Variants in NEGR1 observed in about 807,000 individuals in gnomAD.
The protein encoded by NEGR1 is IgLON family member 4.
Under a neutral mutation model 40.9 loss-of-function variants are expected in NEGR1, and 10 were observed. That is an observed-to-expected ratio of 0.24 (90% confidence interval 0.15 to 0.42). The LOEUF (loss-of-function observed/expected upper bound fraction) is 0.42, where lower values mean the gene tolerates loss of function less well. NEGR1 is among the 10% of genes least tolerant of loss of function. The pLI is 1.00. For synonymous variants in NEGR1, 185 were observed against 166.8 expected (o/e 1.11, Z -0.84); for missense variants, 352 against 438.9 (o/e 0.80, Z 1.77).
intron 1 of NEGR1, among the ~76,000 whole-genome samples, chr1:72,150,208 G>A (rs1353502596): frequency 1.3e-5 from 2 of 152,016 alleles, no homozygotes; most frequent in African/African-American, 4.8e-5. Context: ...CACCAATCCT[G>A]CCACCTGTCA....
At chr1:72,116,838 C>G (rs910399686) in intron 1 of NEGR1, among the ~76,000 whole-genome samples, 1 of 151,662 alleles carries the variant, frequency 6.6e-6, no homozygotes, top group Non-Finnish European at 1.5e-5. Flanking sequence ...AAAATGCCCT[C>G]CAATATTCAC....
intron 1 of NEGR1, among the ~76,000 whole-genome samples, chr1:72,205,972 C>T (rs573805483): frequency 2.3e-4 from 34 of 148,822 alleles, no homozygotes; most frequent in African/African-American, 8.2e-4. Context: ...CAGATAATTA[C>T]TTAGAGAATA....
At chr1:71,748,122 A>G (rs1210898927) in intron 3 of NEGR1, among the ~76,000 whole-genome samples, 2 of 152,186 alleles carry the variant, frequency 1.3e-5, no homozygotes, top group Non-Finnish European at 2.9e-5. Context: ...AAAGACATTA[A>G]ATACTCTGCT....
intron 1 of NEGR1, among the ~76,000 whole-genome samples, chr1:72,022,971 C>A (rs1291848139): frequency 2.6e-5 from 4 of 152,164 alleles, no homozygotes; most frequent in Non-Finnish European, 4.4e-5. Flanking sequence ...ACATGTCCTT[C>A]TCCATTCATT....
chr1:71,555,586 G>C (rs1237512618), intron 6 of NEGR1, among the ~76,000 whole-genome samples: 1 of 151,596 alleles, frequency 6.6e-6, no homozygotes, highest in Non-Finnish European at 1.5e-5. Context: ...TGCTGAGTAT[G>C]CTCAGAGCAT....
intron 1 of NEGR1, among the ~76,000 whole-genome samples, chr1:72,281,926 GA>G (rs1272199679): frequency 1.3e-5 from 2 of 152,168 alleles, no homozygotes; most frequent in Non-Finnish European, 2.9e-5. Context: ...ACAGCAGTTT[GA>G]AAGAGTCGCT....
intron 4 of NEGR1, among the ~76,000 whole-genome samples, chr1:71,617,904 G>A (rs929404164): frequency 6.6e-6 from 1 of 152,142 alleles, no homozygotes; most frequent in Non-Finnish European, 1.5e-5. Flanking sequence ...TAGAAACACA[G>A]TCACCAATGG....
chr1:71,560,061 T>C (rs1033805268), intron 6 of NEGR1, among the ~76,000 whole-genome samples: 3 of 151,288 alleles, frequency 2.0e-5, no homozygotes, highest in Non-Finnish European at 3.0e-5. Context: ...ACAGATATTT[T>C]ACTAGTCACT....
chr1:71,930,359 A>C (rs966193497), intron 2 of NEGR1, among the ~76,000 whole-genome samples: 1 of 152,162 alleles, frequency 6.6e-6, no homozygotes. Flanking sequence ...TGAACTATGA[A>C]ATGAATAACT....
chr1:72,180,384 A>G (rs1033414749), intron 1 of NEGR1, among the ~76,000 whole-genome samples: 1 of 151,808 alleles, frequency 6.6e-6, no homozygotes, highest in Non-Finnish European at 1.5e-5. Flanking sequence ...CATGGGAAAA[A>G]CTTCTGGGCA....
At chr1:72,094,130 G>A (rs1264111015) in intron 1 of NEGR1, among the ~76,000 whole-genome samples, 6 of 152,116 alleles carry the variant, frequency 3.9e-5, no homozygotes, top group East Asian at 1.9e-4. Context: ...TGTGTTGGGC[G>A]CTCTGATGCT....
At chr1:72,236,372 T>C (rs184241308) in intron 1 of NEGR1, among the ~76,000 whole-genome samples, 4 of 151,998 alleles carry the variant, frequency 2.6e-5, no homozygotes, top group Non-Finnish European at 5.9e-5. Flanking sequence ...ATGGCACTTG[T>C]ACACCTGTGT....
At chr1:71,678,567 TTAAA>T (rs1463980057) in intron 4 of NEGR1, among the ~76,000 whole-genome samples, 1 of 152,096 alleles carries the variant, frequency 6.6e-6, no homozygotes, top group Non-Finnish European at 1.5e-5. Flanking sequence ...CAAGTCTAGT[TTAAA>T]TGGCTACACC....
intron 6 of NEGR1, among the ~76,000 whole-genome samples, chr1:71,460,108 T>C (rs1191474127): frequency 6.6e-6 from 1 of 152,210 alleles, no homozygotes; most frequent in African/African-American, 2.4e-5. Context: ...GGTATTATAG[T>C]AGATAACTAA....
At chr1:71,825,119 C>G (rs1267760632) in intron 2 of NEGR1, among the ~76,000 whole-genome samples, 1 of 151,870 alleles carries the variant, frequency 6.6e-6, no homozygotes, top group African/African-American at 2.4e-5. Flanking sequence ...TCACCAGTAG[C>G]TCTAATTGTT....
At chr1:72,163,388 T>C (rs921859920) in intron 1 of NEGR1, among the ~76,000 whole-genome samples, 13 of 152,134 alleles carry the variant, frequency 8.5e-5, no homozygotes, top group Admixed American at 7.9e-4. Context: ...ACTGATGTTA[T>C]TTTTTGCTTT....
chr1:71,843,411 A>G (rs1659308766), intron 2 of NEGR1, among the ~76,000 whole-genome samples: 1 of 152,212 alleles, frequency 6.6e-6, no homozygotes, highest in African/African-American at 2.4e-5. Flanking sequence ...AGAGAACAGA[A>G]GTCGAGGCTA....
intron 1 of NEGR1, among the ~76,000 whole-genome samples, chr1:72,168,665 A>C (rs1398473600): frequency 1.3e-5 from 2 of 152,134 alleles, no homozygotes; most frequent in Non-Finnish European, 2.9e-5. Flanking sequence ...CAAGGCAGGC[A>C]GATCGCTTGA....
chr1:71,449,819 C>T (rs1646612090), intron 6 of NEGR1, among the ~76,000 whole-genome samples: 1 of 152,048 alleles, frequency 6.6e-6, no homozygotes, highest in Admixed American at 6.6e-5. Context: ...TGTCTTAGAA[C>T]TTCAAATCTT....
Sources: allele counts gnomAD v4.1 joint callset (sites outside exome capture counted in the v4.1 genomes callset), GRCh38; gene constraint gnomAD v4.1.1; transcripts MANE v1.5; gene names NCBI Gene and HGNC (gene_info 2026-07-23, HGNC 2026-07-21).